SORCS3: variants seen among roughly 807,000 people sequenced by gnomAD.
SORCS3 encodes sortilin related VPS10 domain containing receptor 3, also known as VPS10 domain-containing receptor SorCS3.
Under a neutral mutation model 146.3 loss-of-function variants are expected in SORCS3, and 57 were observed. That is an observed-to-expected ratio of 0.39 (90% CI 0.31 to 0.49). The LOEUF (loss-of-function observed/expected upper bound fraction) is 0.49, where lower values mean the gene tolerates loss of function less well. Among genes scored for constraint, SORCS3 ranks in the 20% least tolerant of loss-of-function variants. The pLI is 0.92. For synonymous variants in SORCS3, 653 were observed against 618.5 expected (o/e 1.06, Z -0.83); for missense variants, 1,341 against 1,575.5 (o/e 0.85, Z 2.52).
intron 5 of SORCS3, among the ~76,000 whole-genome samples, chr10:105,062,696 C>A (rs1343799966): frequency 6.6e-6 from 1 of 152,164 alleles, no homozygotes; most frequent in African/African-American, 2.4e-5. Context: ...AAGGGCTAGC[C>A]CCATTATAAA....
chr10:105,256,004 T>C (rs74155104), intron 24 of SORCS3, among the ~76,000 whole-genome samples: 2,026 of 152,254 alleles, frequency 0.013, 52 homozygotes, highest in African/African-American at 0.046. Context: ...TTCTTAGGAG[T>C]AGCTTTGCCA....
intron 5 of SORCS3, among the ~76,000 whole-genome samples, chr10:105,082,770 AC>A (rs1249944083): frequency 3.3e-5 from 5 of 152,144 alleles, no homozygotes; most frequent in Admixed American, 6.5e-5. Context: ...TCACCCTGTC[AC>A]CCAGGCTGGA....
chr10:105,156,022 T>C (rs2056205619), intron 9 of SORCS3, among the ~76,000 whole-genome samples: 1 of 152,206 alleles, frequency 6.6e-6, no homozygotes, highest in African/African-American at 2.4e-5. Flanking sequence ...TAAGCTCACT[T>C]CTGTGAAACT....
At chr10:105,038,335 A>G (rs2055319029) in intron 4 of SORCS3, among the ~76,000 whole-genome samples, 1 of 152,230 alleles carries the variant, frequency 6.6e-6, no homozygotes. Flanking sequence ...CTGTATAAAC[A>G]TCCTGTGAGC....
At chr10:104,908,872 G>A (rs1301864683) in intron 2 of SORCS3, among the ~76,000 whole-genome samples, 1 of 152,202 alleles carries the variant, frequency 6.6e-6, no homozygotes, top group Non-Finnish European at 1.5e-5. Context: ...CAATGGTAAA[G>A]CAAAGCAGGT....
intron 7 of SORCS3, among the ~76,000 whole-genome samples, chr10:105,109,647 A>G (rs1464123910): frequency 1.3e-5 from 2 of 152,078 alleles, no homozygotes; most frequent in Non-Finnish European, 2.9e-5. Context: ...TTTTTACTCC[A>G]ATAATTTGTT....
intron 1 of SORCS3, among the ~76,000 whole-genome samples, chr10:104,753,946 G>C (rs1315385877): frequency 2.0e-5 from 3 of 152,178 alleles, no homozygotes; most frequent in African/African-American, 7.2e-5. Context: ...ATATCTGGAA[G>C]GTTTAAATCA....
At chr10:105,186,459 T>G (rs1253421770) in intron 14 of SORCS3, among the ~76,000 whole-genome samples, 2 of 152,190 alleles carry the variant, frequency 1.3e-5, no homozygotes, top group African/African-American at 4.8e-5. Context: ...ACTTTATACT[T>G]TTTCTGATTC....
rs574085682 is a variant in SORCS3, at chr10:104,748,607, C to T, written c.628-94185C>T. ...GTGGCTCACACCTGTAATCCCAGCA[C>T]TTTGGGAGGCCAGGGAAGGTGGATC... On this transcript the variant is annotated intron_variant, in intron 1 of 26. Transcript: ENST00000369701. Among the ~76,000 whole-genome samples, 96 of 152,258 alleles carry T rather than the reference C, an allele frequency of 6.3e-4. No individual in the cohort carries two copies. The South Asian group carries it at 7.1e-3, about 11-fold the overall frequency.
At chr10:104,952,048 C>T (rs1280705910) in intron 3 of SORCS3, among the ~76,000 whole-genome samples, 1 of 151,118 alleles carries the variant, frequency 6.6e-6, no homozygotes, top group Non-Finnish European at 1.5e-5. Context: ...TTGAATCGTT[C>T]CCCCGATTCC....
intron 4 of SORCS3, among the ~76,000 whole-genome samples, chr10:105,034,300 A>G (rs903672144): frequency 6.6e-6 from 1 of 152,036 alleles, no homozygotes; most frequent in Non-Finnish European, 1.5e-5. Context: ...CAAGTGGAAG[A>G]AGGGTGTTCT....
chr10:104,915,057 A>G (rs565666988), intron 2 of SORCS3, among the ~76,000 whole-genome samples: 1 of 152,218 alleles, frequency 6.6e-6, no homozygotes, highest in South Asian at 2.1e-4. Flanking sequence ...AACTACTTGA[A>G]TCCCACTGTT....
At chr10:104,752,581 C>T (rs945131692) in intron 1 of SORCS3, among the ~76,000 whole-genome samples, 2 of 152,182 alleles carry the variant, frequency 1.3e-5, no homozygotes, top group African/African-American at 4.8e-5. Context: ...TTTAGCCTCC[C>T]TCTTCCATTT....
Position 105,191,394 on chromosome 10 carries a change from A to C in SORCS3, c.2010-8605A>C, listed in dbSNP as rs969924961. 1.1e-4 allele frequency among the ~76,000 whole-genome samples: 17 copies of C among 152,204 alleles called. 1 individual carries two copies. Among genetic ancestry groups the C allele is most frequent in the Non-Finnish European group, 1.5e-5 (1 of 68,042 alleles). On this transcript the variant is annotated intron_variant, in intron 14 of 26. Coordinates refer to ENST00000369701, the MANE Select transcript of SORCS3 (RefSeq NM_014978.3). The stretch of plus-strand genomic sequence containing the variant: ...GTAAAAGGAATAACCTACCAAGAAA[A>C]TAGAATAATCTCAAAACCTGTACAG...
At chr10:104,969,710 A>G (rs1362435617) in intron 3 of SORCS3, among the ~76,000 whole-genome samples, 1 of 152,170 alleles carries the variant, frequency 6.6e-6, no homozygotes, top group African/African-American at 2.4e-5. Context: ...CAATGTCAAT[A>G]TGCTTTATTA....
At chr10:105,140,606 A>G (rs1303544018) in intron 8 of SORCS3, among the ~76,000 whole-genome samples, 2 of 152,188 alleles carry the variant, frequency 1.3e-5, no homozygotes, top group African/African-American at 2.4e-5. Flanking sequence ...GTTTAAGTTG[A>G]TACAAGAAAA....
chr10:105,198,977 C>A (rs536281165), intron 14 of SORCS3, among the ~76,000 whole-genome samples: 1 of 152,208 alleles, frequency 6.6e-6, no homozygotes, highest in Non-Finnish European at 1.5e-5. Context: ...TTTTAGAGAG[C>A]ATAAGAAAAT....
At position 105,217,150 on chromosome 10, in the gene SORCS3, C is replaced by T. The variant is rs374035285; in HGVS notation, c.2734+28C>T. 4 of 1,610,198 alleles carry T rather than the reference C, an allele frequency of 2.5e-6. No individual in the cohort carries two copies. The Admixed American group carries it at 6.7e-5, about 27-fold the overall frequency. ...AAGTAGGAGGCACCATCCCCGTTTT[C>T]CCTTTGTTCCCAGTTGGCAACTTGC... On this transcript the variant is annotated intron_variant, in intron 19 of 26. Coordinates refer to ENST00000369701, the MANE Select transcript of SORCS3 (RefSeq NM_014978.3).
intron 1 of SORCS3, among the ~76,000 whole-genome samples, chr10:104,716,947 T>C (rs192957334): frequency 1.2e-3 from 176 of 152,308 alleles, no homozygotes; most frequent in African/African-American, 3.1e-3. Flanking sequence ...GAGAAGTCAT[T>C]TTTCTAATTG....
Sources: gnomAD v4.1 joint callset for allele counts (sites outside exome capture counted in the v4.1 genomes callset) on GRCh38, gnomAD v4.1.1 for gene constraint, MANE v1.5 for transcripts, NCBI Gene and HGNC (gene_info 2026-07-23, HGNC 2026-07-21) for gene names.